The following PHKB variants were observed in gnomAD, a reference collection of about 807,000 sequenced individuals.
PHKB encodes phosphorylase b kinase regulatory subunit beta.
Under a neutral mutation model 152.1 loss-of-function variants are expected in PHKB, and 122 were observed. The ratio of observed to expected loss-of-function variants is 0.80; its 90% CI spans 0.69 to 0.93. PHKB has a LOEUF of 0.93. Among genes scored for constraint, PHKB ranks in the 40% least tolerant of loss-of-function variants. The pLI, the probability that PHKB is intolerant of heterozygous loss-of-function variation, is 0.00. For synonymous variants in PHKB, 436 were observed against 464.9 expected (o/e 0.94, Z 0.80); for missense variants, 1,304 against 1,328.4 (o/e 0.98, Z 0.29).
At position 47,663,380 on chromosome 16, in the gene PHKB, T is replaced by C. The variant is rs1302628877; in HGVS notation, c.2279-297T>C. On this transcript the variant is annotated intron_variant, in intron 23 of 30. Coordinates refer to ENST00000323584, the MANE Select transcript of PHKB (RefSeq NM_000293.3). ...CTCTTTTCTTCTTTTCTGCAGTAAA[T>C]TAGAATAGCATTTGTATTTGTTAAA... is the stretch of plus-strand genomic sequence containing the variant. 2.0e-5 allele frequency among the ~76,000 whole-genome samples: 3 copies of C among 152,292 alleles called. No homozygotes were observed. In the East Asian group the frequency reaches 5.8e-4, roughly 29 times the overall value.
At chr16:47,616,642 A>G (rs1392318478) in intron 14 of PHKB, among the ~76,000 whole-genome samples, 1 of 146,496 alleles carries the variant, frequency 6.8e-6, no homozygotes, top group Admixed American at 6.9e-5. Context: ...ATGATATTTT[A>G]CATATAAATA....
chr16:47,696,689 C>G (rs1455997644), intron 29 of PHKB, among the ~76,000 whole-genome samples: 1 of 152,110 alleles, frequency 6.6e-6, no homozygotes, highest in Non-Finnish European at 1.5e-5. Context: ...ACCCCTGACC[C>G]AAGGCAAGGC....
At chr16:47,675,812 C>G (rs1034044220) in intron 26 of PHKB, 5 of 152,224 alleles carry the variant, frequency 3.3e-5, no homozygotes, top group African/African-American at 1.2e-4. Context: ...CCTAAAATCC[C>G]TTCAGACCTA....
At chr16:47,580,825 C>G (rs1971831899) in intron 8 of PHKB, among the ~76,000 whole-genome samples, 1 of 151,736 alleles carries the variant, frequency 6.6e-6, no homozygotes. Context: ...CTTCAACTGG[C>G]TATAATCAAA....
chr16:47,491,648 GT>G (rs1386693068), intron 1 of PHKB, among the ~76,000 whole-genome samples: 2 of 152,196 alleles, frequency 1.3e-5, no homozygotes, highest in Non-Finnish European at 2.9e-5. Context: ...AGATTCAGTA[GT>G]TGCAAGACCT....
chr16:47,665,172 T>G (rs1973516368), intron 25 of PHKB, 197 bp downstream of exon 25: 2 of 564,068 alleles, frequency 3.5e-6, no homozygotes, highest in South Asian at 4.1e-5. Flanking sequence ...TTAAGGAATA[T>G]AAATGCTTTT....
At chr16:47,546,592 G>A (rs2151671860) in intron 6 of PHKB, among the ~76,000 whole-genome samples, 1 of 152,312 alleles carries the variant, frequency 6.6e-6, no homozygotes, top group Admixed American at 6.5e-5. Context: ...CAGTTTGTCT[G>A]TTCTTAGAGG....
intron 7 of PHKB, among the ~76,000 whole-genome samples, chr16:47,576,838 A>G (rs1324299789): frequency 6.6e-6 from 1 of 151,958 alleles, no homozygotes. Context: ...GCATGTCTAT[A>G]TTGTTATATT....
intron 1 of PHKB, among the ~76,000 whole-genome samples, chr16:47,470,677 A>G (rs555591991): frequency 6.6e-5 from 10 of 152,174 alleles, no homozygotes; most frequent in African/African-American, 2.2e-4. Context: ...GGCAGACCCT[A>G]TTACCCAGCC....
At chr16:47,494,176 C>T (rs186852171) in intron 1 of PHKB, among the ~76,000 whole-genome samples, 3 of 152,218 alleles carry the variant, frequency 2.0e-5, no homozygotes, top group South Asian at 2.1e-4. Flanking sequence ...GGTCCACTTC[C>T]GATCTCATCT....
chr16:47,551,172 T>C (rs770678348), intron 7 of PHKB, among the ~76,000 whole-genome samples: 25 of 152,302 alleles, frequency 1.6e-4, no homozygotes, highest in Non-Finnish European at 3.1e-4. Context: ...AGCTCTTGGA[T>C]TCCTTGATTT....
intron 16 of PHKB, among the ~76,000 whole-genome samples, chr16:47,643,303 T>C (rs1483095368): frequency 6.6e-6 from 1 of 152,136 alleles, no homozygotes; most frequent in Non-Finnish European, 1.5e-5. Flanking sequence ...GACCTCTGGG[T>C]TTATTGGTTT....
chr16:47,684,358 T>C (rs1973922482), intron 26 of PHKB, among the ~76,000 whole-genome samples: 1 of 152,122 alleles, frequency 6.6e-6, no homozygotes, highest in South Asian at 2.1e-4. Flanking sequence ...GGTGTTCTGG[T>C]TTACCACTGC....
At chr16:47,504,248 G>A (rs1970373115) in intron 4 of PHKB, among the ~76,000 whole-genome samples, 1 of 152,176 alleles carries the variant, frequency 6.6e-6, no homozygotes, top group South Asian at 2.1e-4. Context: ...AACTGATTGT[G>A]ACTAATTGTA....
intron 13 of PHKB, chr16:47,598,576 A>G: frequency 1.2e-6 from 1 of 820,796 alleles, no homozygotes; most frequent in Non-Finnish European, 2.0e-6. Context: ...AAATGTCAGT[A>G]ATATGAACAC....
intron 14 of PHKB, among the ~76,000 whole-genome samples, chr16:47,617,218 TATATA>T (rs970755065): frequency 5.4e-5 from 8 of 147,936 alleles, no homozygotes; most frequent in Admixed American, 4.7e-4. Context: ...TAAATATATT[TATATA>T]ATATAATGTA....
At chr16:47,465,323 A>G (rs1391228251) in intron 1 of PHKB, among the ~76,000 whole-genome samples, 1 of 152,222 alleles carries the variant, frequency 6.6e-6, no homozygotes, top group Non-Finnish European at 1.5e-5. Flanking sequence ...AAGCACTAGC[A>G]CAGTCATTCA....
At chr16:47,588,060 A>G (rs978216089) in intron 9 of PHKB, among the ~76,000 whole-genome samples, 6 of 152,162 alleles carry the variant, frequency 3.9e-5, no homozygotes, top group Non-Finnish European at 5.9e-5. Context: ...TTGCCATGGT[A>G]TATTAGAAAA....
chr16:47,630,140 A>G (rs989007861), intron 14 of PHKB, among the ~76,000 whole-genome samples: 3 of 152,116 alleles, frequency 2.0e-5, no homozygotes, highest in Non-Finnish European at 2.9e-5. Flanking sequence ...TAACCTGCAC[A>G]TTGTGCACAT....
Sources: gnomAD v4.1 joint callset for allele counts (sites outside exome capture counted in the v4.1 genomes callset) on GRCh38, gnomAD v4.1.1 for gene constraint, MANE v1.5 for transcripts, NCBI Gene and HGNC (gene_info 2026-07-23, HGNC 2026-07-21) for gene names.